RIT2: variants seen among roughly 807,000 people sequenced by gnomAD.
The protein encoded by RIT2 is GTP-binding protein Rit2.
RIT2 carries 24 observed loss-of-function variants against 23.7 expected under a neutral mutation model. The ratio of observed to expected loss-of-function variants is 1.01; its 90% CI spans 0.73 to 1.43. RIT2 has a LOEUF of 1.43. Among genes scored for constraint, RIT2 ranks in the 40% most tolerant of loss-of-function variants. The pLI, the probability that RIT2 is intolerant of heterozygous loss-of-function variation, is 0.00. For missense variants in RIT2, 236 were observed against 266.9 expected (o/e 0.88, Z 0.81); for synonymous variants, 107 against 91.1 (o/e 1.17, Z -0.99).
chr18:42,888,031 C>A (rs1421575700), intron 4 of RIT2, among the ~76,000 whole-genome samples: 3 of 151,840 alleles, frequency 2.0e-5, no homozygotes, highest in African/African-American at 4.8e-5. Context: ...AATCAGTGCA[C>A]AGAGGATTTT....
intron 1 of RIT2, among the ~76,000 whole-genome samples, chr18:43,106,694 T>C (rs951247246): frequency 5.3e-5 from 8 of 152,198 alleles, no homozygotes; most frequent in Admixed American, 2.0e-4. Flanking sequence ...ATCTGCCCAA[T>C]ACACATGGCA....
At chr18:42,903,320 TA>T (rs1908526841) in intron 4 of RIT2, among the ~76,000 whole-genome samples, 1 of 152,036 alleles carries the variant, frequency 6.6e-6, no homozygotes, top group African/African-American at 2.4e-5. Flanking sequence ...CCCCAAAATA[TA>T]GAAGATATTT....
chr18:43,041,120 T>C (rs1043378166), intron 1 of RIT2, among the ~76,000 whole-genome samples: 1 of 152,118 alleles, frequency 6.6e-6, no homozygotes, highest in African/African-American at 2.4e-5. Context: ...GTGGTCATCA[T>C]AAAAATATCT....
intron 1 of RIT2, among the ~76,000 whole-genome samples, chr18:43,060,314 T>G (rs1184505337): frequency 1.3e-5 from 2 of 152,080 alleles, no homozygotes; most frequent in African/African-American, 4.8e-5. Flanking sequence ...CCAAGCACAT[T>G]TGATGTTATG....
At chr18:43,072,134 T>C (rs1242844803) in intron 1 of RIT2, among the ~76,000 whole-genome samples, 1 of 151,948 alleles carries the variant, frequency 6.6e-6, no homozygotes, top group African/African-American at 2.4e-5. Context: ...TTCAGGTGAG[T>C]GCCACCACGG....
chr18:42,961,017 G>C (rs1332342373), intron 3 of RIT2, among the ~76,000 whole-genome samples: 1 of 152,096 alleles, frequency 6.6e-6, no homozygotes, highest in African/African-American at 2.4e-5. Flanking sequence ...GTGTCTTGGA[G>C]TGTCTACTTT....
chr18:43,107,234 C>A (rs931212959), intron 1 of RIT2, among the ~76,000 whole-genome samples: 16 of 152,124 alleles, frequency 1.1e-4, no homozygotes, highest in Non-Finnish European at 2.1e-4. Flanking sequence ...AACAGCTGAA[C>A]AATGTATGGT....
At chr18:43,057,104 T>C (rs1328129696) in intron 1 of RIT2, among the ~76,000 whole-genome samples, 1 of 151,750 alleles carries the variant, frequency 6.6e-6, no homozygotes. Flanking sequence ...AGACTGTTTG[T>C]AGATATAGAA....
intron 4 of RIT2, among the ~76,000 whole-genome samples, chr18:42,877,514 T>A (rs1357562138): frequency 9.4e-6 from 1 of 106,690 alleles, no homozygotes; most frequent in Non-Finnish European, 1.8e-5. Context: ...TTTGTGTTTG[T>A]ATACACTATA....
chr18:42,952,469 GACTATAGTTAGTGATACTGTATA>G (rs1238611905), intron 3 of RIT2, among the ~76,000 whole-genome samples: 1 of 152,026 alleles, frequency 6.6e-6, no homozygotes, highest in African/African-American at 2.4e-5. Flanking sequence ...ATACTATAGT[GACTATAGTTAGTGATACTGTATA>G]GCATACTGGA....
intron 4 of RIT2, among the ~76,000 whole-genome samples, chr18:42,821,019 C>A (rs1179240448): frequency 6.6e-6 from 1 of 152,078 alleles, no homozygotes; most frequent in African/African-American, 2.4e-5. Context: ...ATATGACACT[C>A]CTGCTGCCCC....
At chr18:43,100,378 G>A (rs1387353959) in intron 1 of RIT2, among the ~76,000 whole-genome samples, 1 of 152,154 alleles carries the variant, frequency 6.6e-6, no homozygotes, top group African/African-American at 2.4e-5. Flanking sequence ...GAGAGAGCAA[G>A]AGGGAGGTTA....
intron 4 of RIT2, among the ~76,000 whole-genome samples, chr18:42,758,731 G>T (rs1336242505): frequency 6.6e-6 from 1 of 150,470 alleles, no homozygotes; most frequent in African/African-American, 2.4e-5. Flanking sequence ...CACCATGTTG[G>T]CTAGGCTGGT....
intron 4 of RIT2, among the ~76,000 whole-genome samples, chr18:42,915,080 G>A (rs1908870870): frequency 6.6e-6 from 1 of 151,004 alleles, no homozygotes; most frequent in African/African-American, 2.4e-5. Context: ...TTCAATCTAT[G>A]GATATCATTC....
chr18:42,914,835 AG>A (rs1243448068), intron 4 of RIT2, among the ~76,000 whole-genome samples: 5 of 151,972 alleles, frequency 3.3e-5, no homozygotes, highest in Non-Finnish European at 7.4e-5. Context: ...TGTTTTTCAT[AG>A]TATTCTAGAG....
At chr18:42,806,581 G>C (rs911643641) in intron 4 of RIT2, among the ~76,000 whole-genome samples, 1 of 152,166 alleles carries the variant, frequency 6.6e-6, no homozygotes, top group Non-Finnish European at 1.5e-5. Context: ...GCGTTGATTT[G>C]TGCTAACGGG....
chr18:43,102,207 C>T (rs558104179), intron 1 of RIT2, among the ~76,000 whole-genome samples: 2 of 152,148 alleles, frequency 1.3e-5, no homozygotes, highest in Non-Finnish European at 2.9e-5. Context: ...TTTTTACCCT[C>T]CCAGGAAACA....
At chr18:42,791,372 GTGAC>G (rs1193453514) in intron 4 of RIT2, among the ~76,000 whole-genome samples, 4 of 152,108 alleles carry the variant, frequency 2.6e-5, no homozygotes, top group Non-Finnish European at 5.9e-5. Flanking sequence ...TACTCTGTAC[GTGAC>G]TGGGTACTTA....
At chr18:43,023,252 G>A (rs1385555923) in intron 2 of RIT2, among the ~76,000 whole-genome samples, 1 of 151,910 alleles carries the variant, frequency 6.6e-6, no homozygotes, top group Non-Finnish European at 1.5e-5. Context: ...ATGTAGTTTT[G>A]CCACAGGAAA....
Sources: allele counts gnomAD v4.1 joint callset (sites outside exome capture counted in the v4.1 genomes callset), GRCh38; gene constraint gnomAD v4.1.1; transcripts MANE v1.5; gene names NCBI Gene and HGNC (gene_info 2026-07-23, HGNC 2026-07-21).